The following CNIH3 variants were observed in gnomAD, a reference collection of about 807,000 sequenced individuals.
The protein encoded by CNIH3 is protein cornichon homolog 3.
A neutral mutation model predicts 24.1 loss-of-function variants in CNIH3; 14 were observed. The ratio of observed to expected loss-of-function variants is 0.58; its 90% confidence interval spans 0.38 to 0.91. The LOEUF (loss-of-function observed/expected upper bound fraction) is 0.91, where lower values mean the gene tolerates loss of function less well. Ranked by LOEUF, CNIH3 falls within the 40% of genes least tolerant of loss-of-function variation. The pLI is 0.00. For missense variants in CNIH3, 178 were observed against 196.8 expected (o/e 0.90, Z 0.57); for synonymous variants, 68 against 73.8 (o/e 0.92, Z 0.40).
chr1:224,501,391 G>A lies in CNIH3; in HGVS notation n.204-14350G>A, dbSNP rs548558470. Among the ~76,000 whole-genome samples, 8 of 151,954 alleles carry A rather than the reference G, an allele frequency of 5.3e-5. No homozygotes were observed. The East Asian group carries it at 5.8e-4, about 11-fold the overall frequency. On this transcript the variant is annotated intron_variant and non_coding_transcript_variant, in intron 1 of 5. Transcript: ENST00000471578. ...TTTAATCTTGACAACAGCACCATGA[G>A]GCAGATACTATTATTATTGTATCCA...
chr1:224,627,446 G>A (rs1450647037), intron 1 of CNIH3, among the ~76,000 whole-genome samples: 3 of 152,054 alleles, frequency 2.0e-5, no homozygotes, highest in African/African-American at 4.8e-5. Context: ...GGCTGGTCTC[G>A]AACTTCTGAC....
At chr1:224,610,335 C>T (rs888213278) in intron 3 of CNIH3, among the ~76,000 whole-genome samples, 14 of 152,142 alleles carry the variant, frequency 9.2e-5, no homozygotes, top group African/African-American at 3.4e-4. Flanking sequence ...TTGTAATTTC[C>T]ATGTGTCGAG....
At chr1:224,491,885 G>A (rs1677249390) in intron 1 of CNIH3, among the ~76,000 whole-genome samples, 3 of 152,124 alleles carry the variant, frequency 2.0e-5, no homozygotes, top group African/African-American at 7.2e-5. Context: ...TGGGATTATA[G>A]GCATGAGCCA....
At chr1:224,680,251 C>A (rs1686336637) in intron 1 of CNIH3, among the ~76,000 whole-genome samples, 1 of 152,186 alleles carries the variant, frequency 6.6e-6, no homozygotes, top group African/African-American at 2.4e-5. Flanking sequence ...GCTTGTGAAC[C>A]TTCACCTGTC....
chr1:224,724,339 T>C lies in CNIH3; in HGVS notation c.199-6123T>C, dbSNP rs138083369. ...GGCCTATGGGGCTGGGCAGCCCTCC[T>C]GGATGCCCAGGCTGGTGCAGGCTTT... On this transcript the variant is annotated intron_variant, in intron 3 of 5. Coordinates refer to ENST00000272133, the MANE Select transcript of CNIH3 (RefSeq NM_152495.2). Among the ~76,000 whole-genome samples the C allele has an allele frequency of 5.8e-3, 882 of 152,322 alleles. 8 individuals are homozygous for C. Among genetic ancestry groups the C allele is most frequent in the African/African-American group, 0.02 (831 of 41,580 alleles).
At chr1:224,608,003 C>T (rs913662574) in intron 3 of CNIH3, among the ~76,000 whole-genome samples, 2 of 152,134 alleles carry the variant, frequency 1.3e-5, no homozygotes, top group African/African-American at 2.4e-5. Flanking sequence ...AGTTAGGGAA[C>T]GTATCCAAGT....
At chr1:224,653,618 C>T (rs903361688) in intron 1 of CNIH3, among the ~76,000 whole-genome samples, 3 of 152,196 alleles carry the variant, frequency 2.0e-5, no homozygotes, top group Non-Finnish European at 4.4e-5. Context: ...AAGGAAAATA[C>T]AAGACTTTGC....
At chr1:224,708,439 A>G (rs959912155) in intron 3 of CNIH3, among the ~76,000 whole-genome samples, 1 of 152,144 alleles carries the variant, frequency 6.6e-6, no homozygotes, top group Admixed American at 6.5e-5. Flanking sequence ...CCTTCATGCT[A>G]CCAACCCACA....
chr1:224,503,757 A>T (rs1431189351), intron 1 of CNIH3, among the ~76,000 whole-genome samples: 2 of 152,246 alleles, frequency 1.3e-5, no homozygotes, highest in Admixed American at 1.3e-4. Context: ...GGAGATAGAC[A>T]GGAAACCCGA....
intron 3 of CNIH3, among the ~76,000 whole-genome samples, chr1:224,718,450 G>T (rs951450671): frequency 1.3e-5 from 2 of 152,214 alleles, no homozygotes; most frequent in Non-Finnish European, 2.9e-5. Context: ...ACAGAGGCCA[G>T]ATCATGTGGG....
rs1687626518 is a variant in CNIH3, at chr1:224,703,693, A to G, written c.198+18850A>G. ...AGCTAAGAATAGAGTTTCCAAAGCAATTTGTTTCCTAAAAGATAGAAGTTC... is the reference window on the plus strand; with the variant it reads ...AGCTAAGAATAGAGTTTCCAAAGCAGTTTGTTTCCTAAAAGATAGAAGTTC... On this transcript the variant is annotated intron_variant, in intron 3 of 5. Transcript: ENST00000272133. The surrounding 1 kb of genome is among the most constrained non-coding windows in gnomAD (Gnocchi z 4.2). Among the ~76,000 whole-genome samples, 1 of 151,810 alleles carries G rather than the reference A, an allele frequency of 6.6e-6. No homozygotes were observed. The highest frequency in any genetic ancestry group is 1.5e-5 in the Non-Finnish European group (1 of 68,034).
intron 1 of CNIH3, among the ~76,000 whole-genome samples, chr1:224,483,449 C>T (rs1276266751): frequency 2.7e-5 from 4 of 150,534 alleles, no homozygotes; most frequent in East Asian, 2.0e-4. Flanking sequence ...AATGCAGTGG[C>T]GTAATCTTGG....
chr1:224,483,681 A>T (rs1447774513), intron 1 of CNIH3, among the ~76,000 whole-genome samples: 1 of 150,660 alleles, frequency 6.6e-6, no homozygotes, highest in Non-Finnish European at 1.5e-5. Context: ...TACAGGTGTG[A>T]GCCACCACAC....
intron 2 of CNIH3, among the ~76,000 whole-genome samples, chr1:224,525,806 G>C (rs1336020695): frequency 1.3e-5 from 2 of 152,118 alleles, no homozygotes; most frequent in Non-Finnish European, 2.9e-5. Context: ...GGAGATGGGG[G>C]TATCAGAATA....
Position 224,616,800 on chromosome 1 carries a change from C to T in CNIH3, c.-375C>T, listed in dbSNP as rs114984017. On this transcript the variant is annotated 5_prime_UTR_variant, in exon 1 of 6. Coordinates refer to ENST00000272133, the MANE Select transcript of CNIH3 (RefSeq NM_152495.2). ...CTCTTCCTGGGGCGAATGGGACCTC[C>T]TCCCTCGGTCCTCCGTGGAGTCGTC... 1.9e-3 allele frequency: 2,000 copies of T among 1,066,148 alleles called. 38 individuals are homozygous for T. The African/African-American group carries it at 0.029, about 16-fold the overall frequency. The allele number at this position is 1,066,148 out of a possible 1,614,324, so 66.0% of individuals were successfully genotyped here.
intron 1 of CNIH3, among the ~76,000 whole-genome samples, chr1:224,493,789 G>T (rs536728799): frequency 6.6e-6 from 1 of 152,174 alleles, no homozygotes; most frequent in South Asian, 2.1e-4. Context: ...GAGAAGAATG[G>T]CAGGGGAGAG....
At chr1:224,626,759 C>T (rs1683552899) in intron 1 of CNIH3, among the ~76,000 whole-genome samples, 1 of 152,208 alleles carries the variant, frequency 6.6e-6, no homozygotes, top group Non-Finnish European at 1.5e-5. Context: ...TCTCCCACAA[C>T]TCCCCATCTC....
At chr1:224,720,949 A>G (rs1470904319) in intron 3 of CNIH3, among the ~76,000 whole-genome samples, 2 of 152,182 alleles carry the variant, frequency 1.3e-5, no homozygotes, top group African/African-American at 4.8e-5. Context: ...TTTGGCCACT[A>G]CGTTCTGCCT....
At chr1:224,439,811 TG>T (rs1175976562) in intron 1 of CNIH3, among the ~76,000 whole-genome samples, 1 of 150,646 alleles carries the variant, frequency 6.6e-6, no homozygotes, top group Non-Finnish European at 1.5e-5. Flanking sequence ...TTTTTTGAGA[TG>T]GGGTCTCGCT....
Sources: gnomAD v4.1 joint callset for allele counts (sites outside exome capture counted in the v4.1 genomes callset) on GRCh38, gnomAD v4.1.1 for gene constraint, Gnocchi (gnomAD v3.1) non-coding constraint, MANE v1.5 for transcripts, NCBI Gene and HGNC (gene_info 2026-07-23, HGNC 2026-07-21) for gene names.